Variants in HTR1F observed in about 807,000 individuals in gnomAD.
The protein encoded by HTR1F is 5-hydroxytryptamine receptor 1F.
Under a neutral mutation model 24.0 loss-of-function variants are expected in HTR1F, and 17 were observed. The ratio of observed to expected loss-of-function variants is 0.71; its 90% CI spans 0.48 to 1.06. The LOEUF is 1.06. HTR1F is among the 50% of genes least tolerant of loss of function. The pLI, the probability that HTR1F is intolerant of heterozygous loss-of-function variation, is 0.00. For synonymous variants in HTR1F, 186 were observed against 156.8 expected, an observed-to-expected ratio of 1.19 and a Z score of -1.39; for missense variants, 391 against 427.8, an observed-to-expected ratio of 0.91 and a Z score of 0.76.
intron 2 of HTR1F, among the ~76,000 whole-genome samples, chr3:87,968,945 A>G (rs1280855788): frequency 6.6e-6 from 1 of 152,208 alleles, no homozygotes; most frequent in Non-Finnish European, 1.5e-5. Context: ...GCTAAAAGGG[A>G]CCAAGGTACA....
At chr3:87,796,214 AG>A (rs1193124936) in intron 1 of HTR1F, among the ~76,000 whole-genome samples, 2 of 152,180 alleles carry the variant, frequency 1.3e-5, no homozygotes, top group East Asian at 1.9e-4. Flanking sequence ...AAAGGTGACA[AG>A]ACTTGATGAT....
chr3:87,861,036 A>G (rs888948609), intron 2 of HTR1F, among the ~76,000 whole-genome samples: 18 of 152,304 alleles, frequency 1.2e-4, no homozygotes, highest in Admixed American at 1.1e-3. Flanking sequence ...AGGTGCCTGT[A>G]GTCCCAGCTA....
chr3:87,952,838 CT>C (rs1704863461), intron 2 of HTR1F, among the ~76,000 whole-genome samples: 1 of 141,586 alleles, frequency 7.1e-6, no homozygotes, highest in Admixed American at 7.0e-5. Context: ...ACTTCTATGC[CT>C]TTTTACTTGT....
chr3:87,978,401 A>C (rs1234119253), intron 2 of HTR1F, among the ~76,000 whole-genome samples: 1 of 152,154 alleles, frequency 6.6e-6, no homozygotes, highest in Non-Finnish European at 1.5e-5. Flanking sequence ...GTTCAGGAAG[A>C]ATGATAACTA....
At chr3:87,879,188 G>C (rs941523271) in intron 2 of HTR1F, among the ~76,000 whole-genome samples, 2 of 152,038 alleles carry the variant, frequency 1.3e-5, no homozygotes, top group Admixed American at 6.6e-5. Flanking sequence ...TCCAATCTAA[G>C]TGGAATCATG....
At chr3:87,864,146 C>G (rs1705373811) in intron 2 of HTR1F, among the ~76,000 whole-genome samples, 1 of 152,164 alleles carries the variant, frequency 6.6e-6, no homozygotes, top group African/African-American at 2.4e-5. Flanking sequence ...CTCCCTTTTT[C>G]TGGGTCAAAT....
At chr3:87,845,668 T>A (rs1704924494) in intron 2 of HTR1F, among the ~76,000 whole-genome samples, 1 of 151,472 alleles carries the variant, frequency 6.6e-6, no homozygotes, top group Non-Finnish European at 1.5e-5. Flanking sequence ...CCAAGGTAAT[T>A]TACAGATTCA....
intron 2 of HTR1F, among the ~76,000 whole-genome samples, chr3:87,828,819 G>A (rs980771013): frequency 5.9e-5 from 9 of 152,272 alleles, no homozygotes; most frequent in African/African-American, 2.2e-4. Flanking sequence ...ACTTGAAAAT[G>A]TAGATTAATA....
rs539958567 is a variant in HTR1F, at chr3:87,982,131, C to A, written c.-42-8577C>A. Reference sequence around the variant, plus strand: ...AGAGATGGGGTTTCACCTTTTTGACCAGACGGGTCTCAAATTCCTGACCTC... The same window carrying A: ...AGAGATGGGGTTTCACCTTTTTGACAAGACGGGTCTCAAATTCCTGACCTC... On this transcript the variant is annotated intron_variant, in intron 2 of 2. Coordinates refer to ENST00000319595, the MANE Select transcript of HTR1F (RefSeq NM_001322209.2). Among the ~76,000 whole-genome samples the A allele has an allele frequency of 9.2e-5, 14 of 152,182 alleles. No individual in the cohort carries two copies. The East Asian group carries it at 2.7e-3, about 29-fold the overall frequency.
intron 2 of HTR1F, among the ~76,000 whole-genome samples, chr3:87,869,524 G>A (rs1293955941): frequency 6.6e-6 from 1 of 151,998 alleles, no homozygotes; most frequent in Non-Finnish European, 1.5e-5. Flanking sequence ...CAATTATGGA[G>A]GCTGAAAAGT....
intron 2 of HTR1F, among the ~76,000 whole-genome samples, chr3:87,839,639 A>T (rs1704758167): frequency 6.6e-6 from 1 of 152,064 alleles, no homozygotes; most frequent in Non-Finnish European, 1.5e-5. Flanking sequence ...TTATTTTAGA[A>T]TCAGGAAGTA....
At chr3:87,854,199 C>T (rs1705151758) in intron 2 of HTR1F, among the ~76,000 whole-genome samples, 1 of 151,660 alleles carries the variant, frequency 6.6e-6, no homozygotes, top group South Asian at 2.1e-4. Flanking sequence ...TGTAGCATTC[C>T]CTGAAAATTC....
At chr3:87,881,135 C>G (rs1705786753) in intron 2 of HTR1F, among the ~76,000 whole-genome samples, 1 of 152,134 alleles carries the variant, frequency 6.6e-6, no homozygotes, top group Admixed American at 6.5e-5. Context: ...CATTGCCTCA[C>G]CTGGGAAGTG....
At chr3:87,941,373 C>A (rs1371624594) in intron 2 of HTR1F, among the ~76,000 whole-genome samples, 1 of 152,158 alleles carries the variant, frequency 6.6e-6, no homozygotes, top group Non-Finnish European at 1.5e-5. Flanking sequence ...ACGGAGGGCC[C>A]TGGTGCCTTT....
At chr3:87,892,479 A>T (rs568917281) in intron 2 of HTR1F, among the ~76,000 whole-genome samples, 1 of 152,306 alleles carries the variant, frequency 6.6e-6, no homozygotes, top group South Asian at 2.1e-4. Flanking sequence ...TGAGCTACAA[A>T]ATTAGAGACC....
At chr3:87,900,148 T>C (rs1292398956) in intron 2 of HTR1F, among the ~76,000 whole-genome samples, 1 of 152,036 alleles carries the variant, frequency 6.6e-6, no homozygotes, top group Non-Finnish European at 1.5e-5. Context: ...AGTATTAATA[T>C]AAAGAAAAGG....
intron 1 of HTR1F, among the ~76,000 whole-genome samples, chr3:87,795,261 G>A (rs1312592578): frequency 2.6e-5 from 4 of 152,220 alleles, no homozygotes; most frequent in Non-Finnish European, 5.9e-5. Flanking sequence ...TGGGATTACA[G>A]GCGTGAGCCA....
chr3:87,933,466 G>A (rs1420578588), intron 2 of HTR1F, among the ~76,000 whole-genome samples: 1 of 152,180 alleles, frequency 6.6e-6, no homozygotes, highest in African/African-American at 2.4e-5. Flanking sequence ...CATTGTCTAA[G>A]CTCAAAATCT....
chr3:87,879,481 T>A (rs1226720060), intron 2 of HTR1F, among the ~76,000 whole-genome samples: 3 of 152,168 alleles, frequency 2.0e-5, no homozygotes, highest in Non-Finnish European at 4.4e-5. Flanking sequence ...AACCTGGCAG[T>A]GCATTAGCCA....
Sources: allele counts gnomAD v4.1 joint callset (sites outside exome capture counted in the v4.1 genomes callset), GRCh38; gene constraint gnomAD v4.1.1; transcripts MANE v1.5; gene names NCBI Gene and HGNC (gene_info 2026-07-23, HGNC 2026-07-21).